The following SVEP1 variants were observed in gnomAD, a reference collection of about 807,000 sequenced individuals.
SVEP1 encodes the protein sushi, von Willebrand factor type A, EGF and pentraxin domain-containing protein 1.
In SVEP1, 164 loss-of-function variants were observed where a neutral mutation model predicts 367.3. That is an observed-to-expected ratio of 0.45 (90% CI 0.39 to 0.51). The LOEUF (loss-of-function observed/expected upper bound fraction) is 0.51. SVEP1 is among the 20% of genes least tolerant of loss of function. SVEP1 has a pLI of 0.00. For synonymous variants in SVEP1, 1,666 were observed against 1,611.6 expected (o/e 1.03, Z -0.81); for missense variants, 4,117 against 4,425.3 (o/e 0.93, Z 1.98).
In SVEP1 at chr9:110,406,656, G is replaced by A. The variant is rs1481331829; in HGVS notation, c.8944C>T (p.His2982Tyr). The change falls in exon 38 of 48, where the codon CAT becomes TAT. Residue 2982 changes from histidine (H) to tyrosine (Y), a missense_variant. Physicochemically the swap from His to Tyr is moderately conservative, Grantham distance 83. Around this residue, in one of 4 missense-constraint regions of SVEP1, gnomAD observed 1,765 missense variants for 1,781.1 expected, o/e 0.99. Coordinates refer to ENST00000374469, the MANE Select transcript of SVEP1 (RefSeq NM_153366.4). Reference protein sequence around the residue: ...QYQCFPGYKLHGNSSRRCLSN... With the variant: ...QYQCFPGYKLYGNSSRRCLSN... ...AGGCACCTTCTTGATGAATTTCCAT[G>A]GAGCTTATAACCAGGAAAGCACTGA... The A allele has an allele frequency of 4.3e-6, 7 of 1,614,008 alleles. No individual in the cohort carries two copies. The highest frequency in any genetic ancestry group is 5.9e-6 in the Non-Finnish European group (7 of 1,179,902).
At chr9:110,518,470 C>T (rs1290075918) in intron 3 of SVEP1, among the ~76,000 whole-genome samples, 1 of 151,764 alleles carries the variant, frequency 6.6e-6, no homozygotes, top group Non-Finnish European at 1.5e-5. Flanking sequence ...AGTATTGTCT[C>T]AAATCATATA....
intron 39 of SVEP1, among the ~76,000 whole-genome samples, chr9:110,403,269 G>A (rs998392943): frequency 5.0e-5 from 7 of 138,886 alleles, no homozygotes; most frequent in African/African-American, 1.1e-4. Flanking sequence ...TGCTGTCTAC[G>A]GTGATGATTC....
Position 110,432,046 on chromosome 9 carries a change from A to G in SVEP1, c.5234-12T>C, listed in dbSNP as rs749578030. ...ACACTCATCGACATCTAAAATGAAG[A>G]CAGCTTATAAATATTAAAGTTGATT... is the stretch of plus-strand genomic sequence containing the variant. On this transcript the variant is annotated splice_polypyrimidine_tract_variant and intron_variant, in intron 31 of 47. Coordinates refer to ENST00000374469, the MANE Select transcript of SVEP1 (RefSeq NM_153366.4). 2.5e-6 allele frequency: 4 copies of G among 1,587,870 alleles called. No individual in the cohort carries two copies. In the South Asian group the frequency reaches 4.7e-5, roughly 18 times the overall value.
intron 23 of SVEP1, among the ~76,000 whole-genome samples, chr9:110,450,467 GTTTT>G (rs10656079): frequency 4.9e-5 from 5 of 102,114 alleles, no homozygotes; most frequent in Middle Eastern, 6.2e-3. Flanking sequence ...TTGATAATCT[GTTTT>G]TTTTTTTTTT....
chr9:110,451,345 C>A lies in SVEP1; in HGVS notation c.3845G>T (p.Gly1282Val). ...GCCAGCCACACCATCAACACAGATT[C>A]CTTTATTTAAACAAGGACTGGAGCT... ...ECSSSPCLNK[G>V]ICVDGVAGYR... The change falls in exon 23 of 48, where the codon GGA (glycine) becomes GTA (valine). Residue 1282 changes from glycine (G) to valine (V), a missense_variant. Physicochemically the swap from Gly to Val is moderately radical, Grantham distance 109. Coordinates refer to ENST00000374469, the MANE Select transcript of SVEP1 (RefSeq NM_153366.4). 1 of 1,613,776 alleles carries A rather than the reference C, an allele frequency of 6.2e-7. No homozygotes were observed. Among genetic ancestry groups the A allele is most frequent in the Non-Finnish European group, 8.5e-7 (1 of 1,179,766 alleles).
At chr9:110,545,546 T>A (rs1471292277) in intron 3 of SVEP1, among the ~76,000 whole-genome samples, 1 of 152,174 alleles carries the variant, frequency 6.6e-6, no homozygotes, top group Non-Finnish European at 1.5e-5. Flanking sequence ...AGCCATCAAG[T>A]GAAGGATGCA....
At position 110,466,066 on chromosome 9, in the gene SVEP1, T is replaced by G. The variant is rs751901728; in HGVS notation, c.3161-40A>C. On this transcript the variant is annotated intron_variant, in intron 17 of 47. Coordinates refer to ENST00000374469, the MANE Select transcript of SVEP1 (RefSeq NM_153366.4). ...GTAATATTACTATCAATAATGATAT[T>G]AAGCTGCATAAAATTAGTACTGTGC... 3 of 1,586,628 alleles carry G rather than the reference T, an allele frequency of 1.9e-6. No individual in the cohort carries two copies. The East Asian group carries it at 6.8e-5, about 36-fold the overall frequency.
chr9:110,513,127 T>A, intron 4 of SVEP1, 22 bp from the exon 5 acceptor site: 1 of 1,585,498 alleles, frequency 6.3e-7, no homozygotes, highest in Non-Finnish European at 8.6e-7. Flanking sequence ...AAAAATAAAA[T>A]TGAAAAGCAA....
chr9:110,408,252 T>C lies in SVEP1; in HGVS notation c.7348A>G (p.Ile2450Val), dbSNP rs1209034714. The C allele has an allele frequency of 6.2e-7, 1 of 1,613,962 alleles. No homozygotes were observed. The highest frequency in any genetic ancestry group is 1.7e-5 in the Admixed American group (1 of 60,018). The change falls in exon 38 of 48, where the codon ATC becomes GTC. Residue 2450 changes from isoleucine (I) to valine (V), a missense_variant. Ile to Val is a conservative substitution (Grantham distance 29). Coordinates refer to ENST00000374469, the MANE Select transcript of SVEP1 (RefSeq NM_153366.4). Reference protein sequence around the residue: ...CPQPEEIPNGIIDVQGLAYLS... With the variant: ...CPQPEEIPNGVIDVQGLAYLS... ...TAGGCAAGGCCTTGCACATCAATGA[T>C]TCCATTGGGGATTTCCTCAGGTTGG...
At position 110,579,621 on chromosome 9, in the gene SVEP1, C is replaced by A. The variant is rs1830670281; in HGVS notation, c.-78G>T. 1.4e-6 allele frequency: 2 copies of A among 1,434,796 alleles called. No individual in the cohort carries two copies. Among genetic ancestry groups the A allele is most frequent in the South Asian group, 3.0e-5 (2 of 67,170 alleles). 88.9% of individuals were successfully genotyped at this position (1,434,796 alleles called of 1,614,324 possible). A position where few individuals can be genotyped will look rare whatever the true frequency, so the allele number is the denominator to read the frequency against. Reference sequence around the variant, plus strand: ...AAGAGGCGCTGGGCGGCCGGACTCGCAGAGGGGCGTGCGCGGAGCTGGGCG... The same window carrying A: ...AAGAGGCGCTGGGCGGCCGGACTCGAAGAGGGGCGTGCGCGGAGCTGGGCG... On this transcript the variant is annotated 5_prime_UTR_variant, in exon 1 of 48. Transcript: ENST00000374469. The surrounding 1 kb of genome is among the most constrained non-coding windows in gnomAD (Gnocchi z 5.3).
At position 110,459,097 on chromosome 9, in the gene SVEP1, T is replaced by C. The variant is rs756650201; in HGVS notation, c.3339A>G (p.Gly1113=). Residue 1113 remains glycine, a synonymous_variant, in exon 19 of 48, where the codon GGA becomes GGG. Transcript: ENST00000374469. ...GCATTAACCCAGAACGCGAGAATTT[T>C]CCTTCTGGACAAGGAACTGCAGAGG... The part of the protein sequence containing the change: ...ISACGVPCPE[G]KFSRSGLMPC... The C allele has an allele frequency of 6.2e-7, 1 of 1,613,706 alleles. No individual in the cohort carries two copies. The highest frequency in any genetic ancestry group is 8.5e-7 in the Non-Finnish European group (1 of 1,179,682).
chr9:110,394,709 A>T (rs1827729114), intron 40 of SVEP1, among the ~76,000 whole-genome samples: 1 of 152,278 alleles, frequency 6.6e-6, no homozygotes, highest in South Asian at 2.1e-4. Flanking sequence ...ACCAGTGCAG[A>T]AGCCTCAATA....
At chr9:110,440,778 G>A (rs971290086) in intron 27 of SVEP1, among the ~76,000 whole-genome samples, 1 of 152,146 alleles carries the variant, frequency 6.6e-6, no homozygotes, top group African/African-American at 2.4e-5. Context: ...GATACTGAGG[G>A]TGTCCATCCA....
intron 27 of SVEP1, among the ~76,000 whole-genome samples, chr9:110,436,768 A>G (rs567955507): frequency 6.6e-6 from 1 of 152,344 alleles, no homozygotes; most frequent in East Asian, 1.9e-4. Flanking sequence ...ATATATGCAT[A>G]TAATATTTTA....
chr9:110,472,277 AT>A lies in SVEP1; in HGVS notation c.2645del (p.Asp882ValfsTer35). 6.2e-7 allele frequency: 1 copy of A among 1,611,090 alleles called. No individual in the cohort carries two copies. The highest frequency in any genetic ancestry group is 8.5e-7 in the Non-Finnish European group (1 of 1,179,142). On this transcript the variant is annotated frameshift_variant, in exon 15 of 48. Transcript: ENST00000374469. LOFTEE classifies it high-confidence loss of function. ...GAANRLDYSY[D>X]DFLDTVQETA... Reference sequence around the variant, plus strand: ...TTTCTTGCACAGTGTCCAGGAAGTCATCGTAAGAGTAATCCAGCCTATTAGC... The same window carrying A: ...TTTCTTGCACAGTGTCCAGGAAGTCACGTAAGAGTAATCCAGCCTATTAGC...
At chr9:110,451,248 C>T in intron 23 of SVEP1, 41 bp downstream of exon 23, 1 of 1,531,132 alleles carries the variant, frequency 6.5e-7, no homozygotes, top group Non-Finnish European at 9.0e-7. Flanking sequence ...TGGTGGTTTA[C>T]AAGATTTTAA....
intron 44 of SVEP1, among the ~76,000 whole-genome samples, chr9:110,379,003 G>A (rs932539781): frequency 6.6e-6 from 1 of 151,712 alleles, no homozygotes; most frequent in Admixed American, 6.6e-5. Flanking sequence ...GTGTACTAGC[G>A]TACTTCTCGA....
chr9:110,484,604 A>G (rs1302653878), intron 9 of SVEP1, among the ~76,000 whole-genome samples: 1 of 152,240 alleles, frequency 6.6e-6, no homozygotes, highest in Non-Finnish European at 1.5e-5. Flanking sequence ...GGATCTAATT[A>G]AACTAAACAG....
At chr9:110,499,267 TTTGTGTTCCCACAAA>T in intron 6 of SVEP1, 29 bp from the exon 7 acceptor site, 2 of 1,577,996 alleles carry the variant, frequency 1.3e-6, no homozygotes. Flanking sequence ...GAGAATGTTA[TTTGTGTTCCCACAAA>T]TTGGAAATGC....
Sources: allele counts gnomAD v4.1 joint callset (sites outside exome capture counted in the v4.1 genomes callset), GRCh38; gene constraint gnomAD v4.1.1; regional missense constraint gnomAD v4.1.1; non-coding constraint Gnocchi (gnomAD v3.1); transcripts MANE v1.5; gene names NCBI Gene and HGNC (gene_info 2026-07-23, HGNC 2026-07-21).